NSUN3: variants seen among roughly 807,000 people sequenced by gnomAD.
NSUN3 encodes NOP2/Sun RNA methyltransferase 3.
In NSUN3, 24 loss-of-function variants were observed where a neutral mutation model predicts 36.8. That is an observed-to-expected ratio of 0.65 (90% CI 0.47 to 0.92). NSUN3 has a LOEUF of 0.92. NSUN3 is among the 40% of genes least tolerant of loss of function. The pLI is 0.00. For missense variants in NSUN3, 381 were observed against 392.8 expected (o/e 0.97, Z 0.25); for synonymous variants, 146 against 145.2 (o/e 1.01, Z -0.04).
intron 2 of NSUN3, chr3:94,082,138 T>C (rs1352455989): frequency 6.6e-6 from 1 of 152,184 alleles, no homozygotes; most frequent in East Asian, 1.9e-4. Context: ...GACTCAACAC[T>C]GGATAGATTT....
intron 5 of NSUN3, among the ~76,000 whole-genome samples, chr3:94,107,767 G>A (rs1484675341): frequency 3.3e-5 from 5 of 151,976 alleles, no homozygotes; most frequent in Admixed American, 3.3e-4. Flanking sequence ...TAAAACAGTG[G>A]CCATGTTCCG....
At chr3:94,124,059 A>C (rs2077474855) in intron 5 of NSUN3, among the ~76,000 whole-genome samples, 2 of 151,250 alleles carry the variant, frequency 1.3e-5, no homozygotes, top group Admixed American at 1.3e-4. Context: ...GTATATATTT[A>C]TATTAGTTTG....
rs1170626704 is a variant in NSUN3, at chr3:94,129,905, A to T, written c.*3415A>T. Among the ~76,000 whole-genome samples the T allele has an allele frequency of 6.6e-6, 1 of 151,704 alleles. No individual in the cohort carries two copies. The highest frequency in any genetic ancestry group is 1.5e-5 in the Non-Finnish European group (1 of 67,910). Reference sequence around the variant, plus strand: ...GTAACTGAGATCACAGGCACCCGCCACCATGCTTGGCTAATTTTTTTTGTA... The same window carrying T: ...GTAACTGAGATCACAGGCACCCGCCTCCATGCTTGGCTAATTTTTTTTGTA... On this transcript the variant is annotated 3_prime_UTR_variant, in exon 6 of 6. Coordinates refer to ENST00000314622, the MANE Select transcript of NSUN3 (RefSeq NM_022072.5).
chr3:94,109,538 T>C (rs1300168511), intron 5 of NSUN3, among the ~76,000 whole-genome samples: 1 of 152,230 alleles, frequency 6.6e-6, no homozygotes, highest in Non-Finnish European at 1.5e-5. Context: ...AGTTAGCACG[T>C]GAGGTTAGCG....
intron 2 of NSUN3, among the ~76,000 whole-genome samples, chr3:94,080,973 C>A (rs1288274326): frequency 6.6e-6 from 1 of 152,186 alleles, no homozygotes; most frequent in South Asian, 2.1e-4. Flanking sequence ...AAAACTCCTG[C>A]AGCTAGTTCG....
chr3:94,063,619 CTT>C (rs1453833378), intron 1 of NSUN3, among the ~76,000 whole-genome samples: 5 of 151,934 alleles, frequency 3.3e-5, no homozygotes, highest in Admixed American at 2.6e-4. Flanking sequence ...TCCCCGGTGA[CTT>C]TTTAGTTTTG....
intron 5 of NSUN3, among the ~76,000 whole-genome samples, chr3:94,112,917 T>G (rs2077423752): frequency 1.3e-5 from 2 of 151,916 alleles, no homozygotes; most frequent in South Asian, 2.1e-4. Flanking sequence ...CGGGCTGGAG[T>G]GCAGTGGCAC....
chr3:94,064,542 G>A lies in NSUN3; in HGVS notation c.118G>A (p.Val40Ile). 1 of 1,552,732 alleles carries A rather than the reference G, an allele frequency of 6.4e-7. No homozygotes were observed. Among genetic ancestry groups the A allele is most frequent in the Non-Finnish European group, 8.9e-7 (1 of 1,124,314 alleles). The change falls in exon 2 of 6, where the codon GTA (valine) becomes ATA (isoleucine). Residue 40 changes from valine (V) to isoleucine (I), a missense_variant. By Grantham distance (29) the Val-to-Ile change is conservative. Coordinates refer to ENST00000314622, the MANE Select transcript of NSUN3 (RefSeq NM_022072.5). ...SKELGDAWNT[V>I]REILTSPSCW... ...AGAACTCGGAGATGCCTGGAATACA[G>A]TAAGGTTAGTATAATTCATCTCGAT...
intron 3 of NSUN3, among the ~76,000 whole-genome samples, chr3:94,091,706 T>C (rs1197938212): frequency 1.3e-5 from 2 of 152,208 alleles, no homozygotes; most frequent in Non-Finnish European, 2.9e-5. Context: ...CAAAATAGAA[T>C]GTAAAACATT....
chr3:94,123,421 G>A (rs1457937353), intron 5 of NSUN3, among the ~76,000 whole-genome samples: 5 of 152,102 alleles, frequency 3.3e-5, no homozygotes, highest in Non-Finnish European at 7.4e-5. Context: ...ACTTTAAATT[G>A]CTTTTTCCTA....
chr3:94,116,803 T>C (rs898834169), intron 5 of NSUN3, among the ~76,000 whole-genome samples: 3 of 152,110 alleles, frequency 2.0e-5, no homozygotes, highest in Admixed American at 1.3e-4. Context: ...ATATAGTACA[T>C]ACTTAATACA....
At chr3:94,077,643 G>A (rs939720910) in intron 2 of NSUN3, among the ~76,000 whole-genome samples, 7 of 152,054 alleles carry the variant, frequency 4.6e-5, no homozygotes, top group South Asian at 2.1e-4. Flanking sequence ...TCAGGGATTC[G>A]ACTTCTTCCT....
chr3:94,080,583 C>T (rs2077264370), intron 2 of NSUN3, among the ~76,000 whole-genome samples: 2 of 152,154 alleles, frequency 1.3e-5, no homozygotes, highest in Admixed American at 1.3e-4. Context: ...GAAGCTGCTG[C>T]CTTTTTTTCA....
At position 94,102,450 on chromosome 3, in the gene NSUN3, G is replaced by A. The variant is rs183805382; in HGVS notation, c.743+7296G>A. ...AAGTTTTAATAATTCAGTTCATGTC[G>A]CATACTGTCATCGTATGCTTAGTCA... On this transcript the variant is annotated intron_variant, in intron 5 of 5. Transcript: ENST00000314622. 5.3e-5 allele frequency among the ~76,000 whole-genome samples: 8 copies of A among 152,126 alleles called. No individual in the cohort carries two copies. The East Asian group carries it at 1.4e-3, about 26-fold the overall frequency.
chr3:94,107,962 CT>C lies in NSUN3; in HGVS notation c.743+12818del, dbSNP rs1253219590. Among the ~76,000 whole-genome samples, 257 of 101,638 alleles carry C rather than the reference CT, an allele frequency of 2.5e-3. 2 individuals are homozygous for C. The highest frequency in any genetic ancestry group is 8.3e-3 in the African/African-American group (234 of 28,296). The allele number at this position is 101,638 out of a possible 152,430, so 66.7% of individuals were successfully genotyped here. On this transcript the variant is annotated intron_variant, in intron 5 of 5. Transcript: ENST00000314622. ...TTTATAAATTACTTGTTAGCAAAAG[CT>C]TTTTTTTTTCCTTTTTTTTTTTTTT...
intron 5 of NSUN3, among the ~76,000 whole-genome samples, chr3:94,104,363 T>C (rs1395083231): frequency 6.6e-6 from 1 of 152,206 alleles, no homozygotes; most frequent in African/African-American, 2.4e-5. Context: ...AGCTTGATAG[T>C]GGATAAGGTC....
chr3:94,091,931 C>G (rs2077316666), intron 3 of NSUN3, among the ~76,000 whole-genome samples: 1 of 152,178 alleles, frequency 6.6e-6, no homozygotes, highest in African/African-American at 2.4e-5. Context: ...TTTCCAGAGA[C>G]TGGAGAAACC....
At chr3:94,066,387 T>C (rs1226490689) in intron 2 of NSUN3, among the ~76,000 whole-genome samples, 2 of 152,236 alleles carry the variant, frequency 1.3e-5, no homozygotes, top group Non-Finnish European at 2.9e-5. Flanking sequence ...CAGAATGAAA[T>C]ATTTTGTGTT....
intron 5 of NSUN3, among the ~76,000 whole-genome samples, chr3:94,118,816 C>T (rs902103413): frequency 2.6e-4 from 39 of 152,008 alleles, no homozygotes; most frequent in African/African-American, 9.2e-4. Flanking sequence ...GTGGTCAGTA[C>T]CACAGCTTTG....
Sources: allele counts gnomAD v4.1 joint callset (sites outside exome capture counted in the v4.1 genomes callset), GRCh38; gene constraint gnomAD v4.1.1; transcripts MANE v1.5; gene names NCBI Gene and HGNC (gene_info 2026-07-23, HGNC 2026-07-21).